PLEKHG4B: variants seen among roughly 807,000 people sequenced by gnomAD.
PLEKHG4B encodes pleckstrin homology and RhoGEF domain containing G4B.
Under a neutral mutation model 121.3 loss-of-function variants are expected in PLEKHG4B, and 111 were observed. The observed-to-expected ratio is 0.92, with a 90% CI of 0.78 to 1.07. The LOEUF (loss-of-function observed/expected upper bound fraction) is 1.07, where lower values mean the gene tolerates loss of function less well. Among genes scored for constraint, PLEKHG4B ranks in the 50% least tolerant of loss-of-function variants. The pLI, the probability that PLEKHG4B is intolerant of heterozygous loss-of-function variation, is 0.00. For synonymous variants in PLEKHG4B, 738 were observed against 725.0 expected, an observed-to-expected ratio of 1.02 and a Z score of -0.29; for missense variants, 1,831 against 1,757.8, an observed-to-expected ratio of 1.04 and a Z score of -0.74.
At position 104,561 on chromosome 5, in the gene PLEKHG4B, C is replaced by T. The variant is rs142621166; in HGVS notation, c.46-8690C>T. 5.9e-3 allele frequency among the ~76,000 whole-genome samples: 893 copies of T among 152,286 alleles called. 12 individuals carry two copies. Among genetic ancestry groups the T allele is most frequent in the African/African-American group, 0.021 (875 of 41,536 alleles). ...GTGGTATTAAAATAATTTTCTTCAT[C>T]GCAATAGATAATAAAGCTGATTTTT... On this transcript the variant is annotated intron_variant, in intron 1 of 19. Coordinates refer to ENST00000637938, the MANE Select transcript of PLEKHG4B (RefSeq NM_052909.5).
chr5:140,749 C>T, intron 3 of PLEKHG4B, 33 bp downstream of exon 3: 1 of 1,500,012 alleles, frequency 6.7e-7, no homozygotes. Context: ...CCTGCGCACC[C>T]CCACAACCTC....
chr5:140,269 A>C lies in PLEKHG4B; in HGVS notation c.1030A>C (p.Thr344Pro), dbSNP rs1735116964. 3 of 1,459,012 alleles carry C rather than the reference A, an allele frequency of 2.1e-6. No homozygotes were observed. Among genetic ancestry groups the C allele is most frequent in the Non-Finnish European group, 2.7e-6 (3 of 1,104,606 alleles). 90.4% of individuals were successfully genotyped at this position (1,459,012 alleles called of 1,614,324 possible). A position where few individuals can be genotyped will look rare whatever the true frequency, so the allele number is the denominator to read the frequency against. ...SSRRRPPGDP[T>P]CVQPRRWFRE... ...CAGGAGGCGGCCGCCGGGGGACCCC[A>C]CTTGTGTGCAGCCTAGACGCTGGTT... The change falls in exon 3 of 20, where the codon ACT (threonine) becomes CCT (proline). Residue 344 changes from threonine (T) to proline (P), a missense_variant. Physicochemically the swap from Thr to Pro is conservative, Grantham distance 38. Transcript: ENST00000637938.
intron 7 of PLEKHG4B, among the ~76,000 whole-genome samples, chr5:152,960 C>T (rs59566963): frequency 0.024 from 3,710 of 152,280 alleles, 154 homozygotes; most frequent in African/African-American, 0.084. Context: ...TTGTAAGTTT[C>T]CTAAGGCCTC....
rs574347744 is a variant in PLEKHG4B, at chr5:185,929, C to G, written c.*3606C>G. The G allele has an allele frequency of 1.9e-4, 29 of 152,414 alleles. No individual in the cohort carries two copies. Among genetic ancestry groups the G allele is most frequent in the African/African-American group, 7.0e-4 (29 of 41,590 alleles). The allele number at this position is 152,414 out of a possible 1,614,324, so 9.4% of individuals were successfully genotyped here. A position where few individuals can be genotyped will look rare whatever the true frequency, so the allele number is the denominator to read the frequency against. On this transcript the variant is annotated 3_prime_UTR_variant, in exon 20 of 20. Coordinates refer to ENST00000637938, the MANE Select transcript of PLEKHG4B (RefSeq NM_052909.5). Reference sequence around the variant, plus strand: ...CCACACCAGCCCCACGGGAGCCCCACGACCCATCGGGCTGTGGGATGCATC... The same window carrying G: ...CCACACCAGCCCCACGGGAGCCCCAGGACCCATCGGGCTGTGGGATGCATC...
At chr5:110,842 G>A (rs545485074) in intron 1 of PLEKHG4B, among the ~76,000 whole-genome samples, 16 of 152,374 alleles carry the variant, frequency 1.1e-4, no homozygotes, top group African/African-American at 3.6e-4. Flanking sequence ...GAAGGCCCTC[G>A]GGTTTGAAGT....
At position 139,828 on chromosome 5, in the gene PLEKHG4B, G is replaced by T; in HGVS notation, c.589G>T (p.Asp197Tyr). The change falls in exon 3 of 20, where the codon GAC becomes TAC. Residue 197 changes from aspartate to tyrosine, a missense_variant. Physicochemically the swap from Asp to Tyr is radical, Grantham distance 160 (BLOSUM62 -3). Coordinates refer to ENST00000637938, the MANE Select transcript of PLEKHG4B (RefSeq NM_052909.5). This position sits in a 1 kb window ranked among gnomAD's most constrained non-coding sequence, Gnocchi z 5.0. ...CCGAGCCCCGTGGAGCGACGTCACT[G>T]ACCCTGTCTTTGTCCCCAGCCCTGG... ...VHRAPWSDVT[D>Y]PVFVPSPGAI... is the part of the protein sequence containing the mutation. 1 of 398,850 alleles carries T rather than the reference G, an allele frequency of 2.5e-6. No homozygotes were observed. Among genetic ancestry groups the T allele is most frequent in the South Asian group, 1.3e-4 (1 of 7,824 alleles). The allele number at this position is 398,850 out of a possible 1,614,324, so 24.7% of individuals were successfully genotyped here.
intron 13 of PLEKHG4B, among the ~76,000 whole-genome samples, chr5:164,709 CG>C (rs1553990121): frequency 1.1e-4 from 7 of 65,276 alleles, no homozygotes; most frequent in East Asian, 3.4e-4. Context: ...AATGCTCTGA[CG>C]GGGCGGAGCT....
In PLEKHG4B at chr5:173,561, C is replaced by T. The variant is rs542127223; in HGVS notation, c.4222-357C>T. 3.9e-5 allele frequency among the ~76,000 whole-genome samples: 6 copies of T among 152,220 alleles called. No individual in the cohort carries two copies. The East Asian group carries it at 1.2e-3, about 29-fold the overall frequency. On this transcript the variant is annotated intron_variant, in intron 17 of 19. Transcript: ENST00000637938. The stretch of plus-strand genomic sequence containing the variant: ...CATAGCCTTGCACACTCATGGACAG[C>T]TGTCCTTCACATTCAAGCACTCTCC...
chr5:135,135 C>T lies in PLEKHG4B; in HGVS notation c.244-4348C>T, dbSNP rs193056366. On this transcript the variant is annotated intron_variant, in intron 2 of 19. Coordinates refer to ENST00000637938, the MANE Select transcript of PLEKHG4B (RefSeq NM_052909.5). ...CCCAGGAGGTGGAGCTTGCAGTGAGCCGAGATCACACCACTGCACTCCAGC... is the reference window on the plus strand; with the variant it reads ...CCCAGGAGGTGGAGCTTGCAGTGAGTCGAGATCACACCACTGCACTCCAGC... Among the ~76,000 whole-genome samples the T allele has an allele frequency of 2.1e-4, 30 of 145,904 alleles. 1 individual carries two copies. The East Asian group carries it at 6.1e-3, about 29-fold the overall frequency.
At chr5:169,613 G>C in intron 14 of PLEKHG4B, 21 bp downstream of exon 14, 1 of 1,609,120 alleles carries the variant, frequency 6.2e-7, no homozygotes, top group South Asian at 1.1e-5. Flanking sequence ...GCCATGGCGT[G>C]GGTGCCGGGC....
At chr5:149,562 G>A (rs537563081) in intron 6 of PLEKHG4B, among the ~76,000 whole-genome samples, 3 of 151,734 alleles carry the variant, frequency 2.0e-5, no homozygotes, top group African/African-American at 4.9e-5. Context: ...ATAAGAAGAC[G>A]CTATCAACAG....
chr5:135,682 A>AATATATATATATAT (rs70955207), intron 2 of PLEKHG4B, among the ~76,000 whole-genome samples: 8 of 19,610 alleles, frequency 4.1e-4, no homozygotes, highest in East Asian at 1.9e-3. Context: ...AAAAAAAAAA[A>AATATATATATATAT]ATATATATAT....
At chr5:141,378 C>T (rs1363303203) in intron 3 of PLEKHG4B, among the ~76,000 whole-genome samples, 1 of 148,994 alleles carries the variant, frequency 6.7e-6, no homozygotes, top group Admixed American at 6.7e-5. Context: ...TGTTCCCCTC[C>T]GAGGACCGGG....
At chr5:180,742 A>G (rs2126467299) in intron 18 of PLEKHG4B, among the ~76,000 whole-genome samples, 1 of 152,290 alleles carries the variant, frequency 6.6e-6, no homozygotes, top group Non-Finnish European at 1.5e-5. Flanking sequence ...GAGTTAGGGG[A>G]AGAGCAATGT....
chr5:135,735 C>T (rs1397788679), intron 2 of PLEKHG4B, among the ~76,000 whole-genome samples: 6 of 86,786 alleles, frequency 6.9e-5, no homozygotes, highest in African/African-American at 2.4e-4. Flanking sequence ...ATATGTATGT[C>T]AGTACTACCC....
rs111334472 is a variant in PLEKHG4B, at chr5:107,133, A to G, written c.46-6118A>G. ...GCATAATGGCTCATTATTAATGCTC[A>G]GCCAACTGTAAAGCTGCTCCAGGTC... On this transcript the variant is annotated intron_variant, in intron 1 of 19. Transcript: ENST00000637938. Among the ~76,000 whole-genome samples, 725 of 152,334 alleles carry G rather than the reference A, an allele frequency of 4.8e-3. 8 individuals are homozygous for G. The highest frequency in any genetic ancestry group is 0.017 in the African/African-American group (688 of 41,576).
chr5:161,521 G>C (rs949699484), intron 11 of PLEKHG4B, among the ~76,000 whole-genome samples: 2 of 152,178 alleles, frequency 1.3e-5, no homozygotes, highest in African/African-American at 4.8e-5. Flanking sequence ...CCTCGGTCCT[G>C]CTAAATCCTA....
chr5:181,935 C>A, intron 19 of PLEKHG4B, 69 bp from the exon 20 acceptor site: 1 of 1,525,424 alleles, frequency 6.6e-7, no homozygotes, highest in Non-Finnish European at 9.0e-7. Flanking sequence ...CGGCTCTGAT[C>A]CCATTCCCGA....
chr5:174,169 C>G, intron 18 of PLEKHG4B, 71 bp downstream of exon 18: 1 of 756,094 alleles, frequency 1.3e-6, no homozygotes, highest in Non-Finnish European at 1.7e-6. Context: ...GGGGCTGGGA[C>G]TGGGGTGAGA....
Sources: allele counts gnomAD v4.1 joint callset (sites outside exome capture counted in the v4.1 genomes callset), GRCh38; gene constraint gnomAD v4.1.1; non-coding constraint Gnocchi (gnomAD v3.1); transcripts MANE v1.5; gene names NCBI Gene and HGNC (gene_info 2026-07-23, HGNC 2026-07-21).